GPC6: variants seen among roughly 807,000 people sequenced by gnomAD.
GPC6 encodes glypican-6.
Under a neutral mutation model 55.2 loss-of-function variants are expected in GPC6, and 14 were observed. That is an observed-to-expected ratio of 0.25 (90% CI 0.17 to 0.40). The LOEUF (loss-of-function observed/expected upper bound fraction) is 0.40, where lower values mean the gene tolerates loss of function less well. Among genes scored for constraint, GPC6 ranks in the 10% least tolerant of loss-of-function variants. The pLI is 1.00. For synonymous variants in GPC6, 278 were observed against 259.6 expected (o/e 1.07, Z -0.68); for missense variants, 641 against 708.5 (o/e 0.90, Z 1.08).
chr13:93,625,774 G>A (rs1276630440), intron 2 of GPC6, among the ~76,000 whole-genome samples: 1 of 152,170 alleles, frequency 6.6e-6, no homozygotes, highest in Non-Finnish European at 1.5e-5. Flanking sequence ...TAATGCAAAT[G>A]TGCTCTTTCC....
At chr13:93,364,354 T>G (rs551079913) in intron 1 of GPC6, among the ~76,000 whole-genome samples, 39 of 152,246 alleles carry the variant, frequency 2.6e-4, no homozygotes, top group African/African-American at 9.1e-4. Flanking sequence ...GTATGTTATC[T>G]ATCCAGAGGA....
chr13:94,335,179 G>T (rs748190037), intron 6 of GPC6, among the ~76,000 whole-genome samples: 88 of 152,148 alleles, frequency 5.8e-4, no homozygotes, highest in Non-Finnish European at 1.2e-3. Context: ...GGGCAACAAC[G>T]CTATAAAGGG....
chr13:93,942,296 C>T (rs1878776535), intron 3 of GPC6, among the ~76,000 whole-genome samples: 1 of 152,184 alleles, frequency 6.6e-6, no homozygotes, highest in South Asian at 2.1e-4. Context: ...AGCTTCGAGC[C>T]TTGCCTCAGG....
intron 1 of GPC6, among the ~76,000 whole-genome samples, chr13:93,276,337 C>A (rs1436312401): frequency 6.6e-6 from 1 of 152,052 alleles, no homozygotes; most frequent in Non-Finnish European, 1.5e-5. Context: ...TAAACTTGCT[C>A]ATTTTGGGGT....
At chr13:93,476,296 G>A (rs768232441) in intron 1 of GPC6, among the ~76,000 whole-genome samples, 11 of 151,900 alleles carry the variant, frequency 7.2e-5, no homozygotes, top group Admixed American at 2.6e-4. Context: ...CTGTGTGTGC[G>A]TGCGTGTGTG....
At chr13:93,218,768 A>G in the GPC6 span, among the ~76,000 whole-genome samples, 1 of 152,224 alleles carries the variant, frequency 6.6e-6, no homozygotes. Flanking sequence ...TCTTGTACTT[A>G]TTCATACTGA....
At chr13:93,248,217 C>A (rs752061446) in intron 1 of GPC6, among the ~76,000 whole-genome samples, 12 of 151,954 alleles carry the variant, frequency 7.9e-5, no homozygotes, top group Admixed American at 2.0e-4. Context: ...TATGTGATAA[C>A]CAAGGTTGAT....
At chr13:93,959,393 CCT>C (rs1879664335) in intron 3 of GPC6, among the ~76,000 whole-genome samples, 1 of 152,166 alleles carries the variant, frequency 6.6e-6, no homozygotes, top group African/African-American at 2.4e-5. Context: ...AAGCTCCTCA[CCT>C]CAGGTGATCT....
chr13:93,588,278 A>G (rs1399569238), intron 2 of GPC6, among the ~76,000 whole-genome samples: 1 of 152,220 alleles, frequency 6.6e-6, no homozygotes, highest in Non-Finnish European at 1.5e-5. Context: ...GGGAAAATTC[A>G]AGTTCCCATC....
At chr13:93,383,711 T>G (rs2139207490) in intron 1 of GPC6, among the ~76,000 whole-genome samples, 2 of 151,346 alleles carry the variant, frequency 1.3e-5, no homozygotes, top group East Asian at 4.0e-4. Flanking sequence ...TTATGACCCT[T>G]AGGTATTATG....
At position 94,178,204 on chromosome 13, in the gene GPC6, G is replaced by A. The variant is rs145393627; in HGVS notation, c.878-108145G>A. On this transcript the variant is annotated intron_variant, in intron 4 of 8. Transcript: ENST00000377047. ...TGTAGAAATGGGGTTTCACTATGTT[G>A]GCCAGGTTGCTCTTGAACTCCTGAC... Among the ~76,000 whole-genome samples the A allele has an allele frequency of 9.6e-3, 1,458 of 151,960 alleles. 9 individuals are homozygous for A. Among genetic ancestry groups the A allele is most frequent in the Admixed American group, 0.016 (244 of 15,268 alleles).
intron 3 of GPC6, among the ~76,000 whole-genome samples, chr13:93,996,943 A>G (rs976009292): frequency 5.3e-5 from 8 of 152,186 alleles, no homozygotes; most frequent in African/African-American, 1.9e-4. Context: ...GAATGAAATC[A>G]TCTATCTGTT....
intron 6 of GPC6, among the ~76,000 whole-genome samples, chr13:94,346,479 T>C (rs1878295474): frequency 6.6e-6 from 1 of 152,072 alleles, no homozygotes; most frequent in African/African-American, 2.4e-5. Context: ...TCCCACCACA[T>C]TGGGAGGCCC....
intron 1 of GPC6, among the ~76,000 whole-genome samples, chr13:93,276,669 G>C (rs150308851): frequency 2.0e-5 from 3 of 152,118 alleles, no homozygotes; most frequent in African/African-American, 7.2e-5. Context: ...CTTGGGACTC[G>C]GGGACGGAGG....
chr13:93,986,326 A>C (rs938133420), intron 3 of GPC6, among the ~76,000 whole-genome samples: 2 of 152,188 alleles, frequency 1.3e-5, no homozygotes, highest in African/African-American at 4.8e-5. Flanking sequence ...TCTTACAGAT[A>C]GTTCACCAAA....
intron 1 of GPC6, among the ~76,000 whole-genome samples, chr13:93,483,695 A>G (rs1009350538): frequency 1.1e-4 from 17 of 152,292 alleles, no homozygotes; most frequent in African/African-American, 4.1e-4. Flanking sequence ...ATGTTTAGTC[A>G]TATGTGGTTT....
intron 3 of GPC6, among the ~76,000 whole-genome samples, chr13:93,989,920 ATATATATATATG>A (rs1352732639): frequency 8.6e-6 from 1 of 116,158 alleles, no homozygotes; most frequent in Non-Finnish European, 2.0e-5. Flanking sequence ...ATATACACAC[ATATATATATATG>A]TATATATATA....
chr13:94,157,288 G>A (rs1887985138), intron 4 of GPC6, among the ~76,000 whole-genome samples: 3 of 152,084 alleles, frequency 2.0e-5, no homozygotes, highest in South Asian at 2.1e-4. Flanking sequence ...CAATCCTCAA[G>A]CCATTTATTT....
rs200229429 is a variant in GPC6, at chr13:93,553,651, T to C, written c.319+8230T>C. ...CAGAGGTTGCAGTGAGCTGAGATTG[T>C]GCCATTGCACTCCAGCCTGGGTGAC... On this transcript the variant is annotated intron_variant, in intron 2 of 8. Transcript: ENST00000377047. Among the ~76,000 whole-genome samples, 12 of 131,056 alleles carry C rather than the reference T, an allele frequency of 9.2e-5. No homozygotes were observed. In the East Asian group the frequency reaches 2.6e-3, roughly 28 times the overall value. 86.0% of individuals were successfully genotyped at this position (131,056 alleles called of 152,430 possible).
Sources: allele counts gnomAD v4.1 joint callset (sites outside exome capture counted in the v4.1 genomes callset), GRCh38; gene constraint gnomAD v4.1.1; transcripts MANE v1.5; gene names NCBI Gene and HGNC (gene_info 2026-07-23, HGNC 2026-07-21).